Variants in WDR64 observed in about 807,000 individuals in gnomAD.
WDR64 encodes the protein WD repeat domain 64, also known as WD repeat-containing protein 64.
A neutral mutation model predicts 139.3 loss-of-function variants in WDR64; 112 were observed. That is an observed-to-expected ratio of 0.80 (90% CI 0.69 to 0.94). WDR64 has a LOEUF of 0.94. WDR64 is among the 40% of genes least tolerant of loss of function. WDR64 has a pLI of 0.00. For missense variants in WDR64, 1,206 were observed against 1,293.1 expected (o/e 0.93, Z 1.03); for synonymous variants, 444 against 437.7 (o/e 1.01, Z -0.18).
chr1:241,655,060 C>A (rs1370451279), intron 1 of WDR64, among the ~76,000 whole-genome samples: 1 of 152,136 alleles, frequency 6.6e-6, no homozygotes, highest in East Asian at 1.9e-4. Flanking sequence ...TGGTATCTAT[C>A]TCTTGGCTTA....
chr1:241,679,735 C>G, intron 6 of WDR64, 140 bp downstream of exon 6: 1 of 688,216 alleles, frequency 1.5e-6, no homozygotes, highest in Non-Finnish European at 2.5e-6. Flanking sequence ...TCTCTTAGAT[C>G]AAGTTCAGCA....
chr1:241,706,368 A>G (rs536248606), intron 8 of WDR64, among the ~76,000 whole-genome samples: 1 of 152,370 alleles, frequency 6.6e-6, no homozygotes, highest in African/African-American at 2.4e-5. Flanking sequence ...GGGCGAGGTG[A>G]CAAGATAAGA....
intron 27 of WDR64, among the ~76,000 whole-genome samples, chr1:241,798,457 T>C (rs1329363875): frequency 2.0e-5 from 3 of 152,206 alleles, no homozygotes; most frequent in Non-Finnish European, 4.4e-5. Context: ...CACCACTATG[T>C]TAACTGTCTA....
At chr1:241,773,626 C>T (rs1168869966) in intron 20 of WDR64, among the ~76,000 whole-genome samples, 1 of 152,114 alleles carries the variant, frequency 6.6e-6, no homozygotes, top group Non-Finnish European at 1.5e-5. Context: ...TGCCAGCACA[C>T]CCAGCTAATT....
At chr1:241,780,396 C>T (rs1658803330) in intron 22 of WDR64, among the ~76,000 whole-genome samples, 2 of 152,154 alleles carry the variant, frequency 1.3e-5, no homozygotes, top group South Asian at 4.1e-4. Flanking sequence ...ATATCTTATC[C>T]TTTATAAGAT....
intron 10 of WDR64, among the ~76,000 whole-genome samples, chr1:241,732,301 G>GTATC (rs139933465): frequency 9.9e-4 from 143 of 144,860 alleles, no homozygotes; most frequent in Admixed American, 1.3e-3. Context: ...TTACAATGCA[G>GTATC]TATCTATCTA....
In WDR64 at chr1:241,679,564, T is replaced by C; in HGVS notation, c.593T>C (p.Val198Ala). The C allele has an allele frequency of 5.8e-6, 9 of 1,551,834 alleles. No homozygotes were observed. The highest frequency in any genetic ancestry group is 7.8e-6 in the Non-Finnish European group (9 of 1,146,930). The stretch of plus-strand genomic sequence containing the variant: ...GCCACAACCGAAAGGACCATTATTG[T>C]CTGGGATTATAAAGCTCAAGGGAGC... ...IVATTERTII[V>A]WDYKAQGSSQ... The change falls in exon 6 of 28, where the codon GTC (valine) becomes GCC (alanine). Residue 198 changes from valine to alanine, a missense_variant. Coordinates refer to ENST00000437684, the MANE Select transcript of WDR64 (RefSeq NM_001367482.1).
intron 15 of WDR64, among the ~76,000 whole-genome samples, chr1:241,761,363 G>A (rs1186906357): frequency 6.6e-6 from 1 of 151,860 alleles, no homozygotes; most frequent in Non-Finnish European, 1.5e-5. Context: ...CTTTAATATA[G>A]CCCCAAACTT....
intron 25 of WDR64, among the ~76,000 whole-genome samples, chr1:241,791,280 C>T (rs1013180581): frequency 1.3e-5 from 2 of 151,900 alleles, no homozygotes; most frequent in Non-Finnish European, 2.9e-5. Context: ...AGCGAGACTC[C>T]CTCTCAAAAA....
chr1:241,717,474 G>A (rs902344395), intron 9 of WDR64, among the ~76,000 whole-genome samples: 3 of 151,912 alleles, frequency 2.0e-5, no homozygotes, highest in Non-Finnish European at 4.4e-5. Context: ...GCTTTTTTGT[G>A]TGAACTAAGC....
Position 241,738,457 on chromosome 1 carries a change from T to C in WDR64, c.1289T>C (p.Ile430Thr), listed in dbSNP as rs1669409287. The change falls in exon 11 of 28, where the codon ATA becomes ACA. Residue 430 changes from isoleucine to threonine, a missense_variant. Transcript: ENST00000437684. ...GPGDMQIYSM[I>T]YDANHGMLIT... ...GGAGACATGCAGATTTACTCTATGA[T>C]ATATGATGCCAATCATGGCATGCTT... 3 of 1,613,382 alleles carry C rather than the reference T, an allele frequency of 1.9e-6. No individual in the cohort carries two copies. The highest frequency in any genetic ancestry group is 1.3e-5 in the African/African-American group (1 of 74,904).
chr1:241,749,627 C>G lies in WDR64; in HGVS notation c.1675C>G (p.His559Asp), dbSNP rs200339413. 1,458 of 1,614,118 alleles carry G rather than the reference C, an allele frequency of 9.0e-4. 25 individuals carry two copies. The South Asian group carries it at 0.015, about 17-fold the overall frequency. The change falls in exon 14 of 28, where the codon CAC (histidine) becomes GAC (aspartate). Residue 559 changes from histidine to aspartate, a missense_variant. His to Asp is a moderately conservative substitution (Grantham distance 81). Coordinates refer to ENST00000437684, the MANE Select transcript of WDR64 (RefSeq NM_001367482.1). ...GGGGAAAGACTGGAAGGAGGACGAGCACTGCCTACGACGCCTCATTTTCCT... is the reference window on the plus strand; with the variant it reads ...GGGGAAAGACTGGAAGGAGGACGAGGACTGCCTACGACGCCTCATTTTCCT... ...PEGKDWKEDE[H>D]CLRRLIFLKA...
intron 9 of WDR64, among the ~76,000 whole-genome samples, chr1:241,719,496 A>T (rs1668525554): frequency 6.6e-6 from 1 of 152,136 alleles, no homozygotes; most frequent in Admixed American, 6.6e-5. Flanking sequence ...GACTTGATGG[A>T]TGGATTGGGA....
At chr1:241,781,497 A>G (rs1287150257) in intron 22 of WDR64, among the ~76,000 whole-genome samples, 1 of 152,236 alleles carries the variant, frequency 6.6e-6, no homozygotes, top group Non-Finnish European at 1.5e-5. Context: ...TACAACTGCA[A>G]TGAATACCTA....
chr1:241,692,358 G>A (rs1339512169), intron 8 of WDR64, among the ~76,000 whole-genome samples: 1 of 152,128 alleles, frequency 6.6e-6, no homozygotes, highest in Non-Finnish European at 1.5e-5. Context: ...TAATGAAGAG[G>A]AAGAAACAAA....
chr1:241,797,129 A>G (rs1659390997), intron 27 of WDR64, among the ~76,000 whole-genome samples: 1 of 152,246 alleles, frequency 6.6e-6, no homozygotes, highest in South Asian at 2.1e-4. Flanking sequence ...TAGAGTTTGC[A>G]GTGATTTTAT....
chr1:241,726,201 A>C (rs1040979351), intron 10 of WDR64, among the ~76,000 whole-genome samples: 2 of 151,998 alleles, frequency 1.3e-5, no homozygotes, highest in Non-Finnish European at 2.9e-5. Context: ...TCGTTTTTAT[A>C]TTGATTATAT....
chr1:241,712,214 C>T (rs533565484), intron 9 of WDR64, among the ~76,000 whole-genome samples: 5 of 152,164 alleles, frequency 3.3e-5, no homozygotes, highest in Middle Eastern at 3.4e-3. Flanking sequence ...CTGGAGCCCC[C>T]GGCACTTATG....
intron 4 of WDR64, 108 bp downstream of exon 4, chr1:241,674,855 CT>C (rs1666411693): frequency 6.8e-6 from 1 of 146,002 alleles, no homozygotes; most frequent in Non-Finnish European, 1.3e-5. Context: ...TCCTTCTTTC[CT>C]TCCTCCCTCC....
Sources: allele counts gnomAD v4.1 joint callset (sites outside exome capture counted in the v4.1 genomes callset), GRCh38; gene constraint gnomAD v4.1.1; transcripts MANE v1.5; gene names NCBI Gene and HGNC (gene_info 2026-07-23, HGNC 2026-07-21).